The following INPP5D variants were observed in gnomAD, a reference collection of about 807,000 sequenced individuals.
The protein encoded by INPP5D is inositol polyphosphate-5-phosphatase D, also known as phosphatidylinositol 3,4,5-trisphosphate 5-phosphatase 1.
In INPP5D, 33 loss-of-function variants were observed where a neutral mutation model predicts 122.9. That is an observed-to-expected ratio of 0.27 (90% confidence interval 0.20 to 0.36). The LOEUF is 0.36. Among genes scored for constraint, INPP5D ranks in the 10% least tolerant of loss-of-function variants. The probability of loss-of-function intolerance (pLI) is 1.00; values close to 1 mark genes in which losing one functional copy is unlikely to be tolerated. For synonymous variants in INPP5D, 584 were observed against 576.2 expected (o/e 1.01, Z -0.19); for missense variants, 1,053 against 1,412.7 (o/e 0.75, Z 4.08).
At position 233,171,097 on chromosome 2, in the gene INPP5D, G is replaced by A. The variant is rs781285468; in HGVS notation, c.1934G>A (p.Arg645His). Residue 645 changes from arginine (R) to histidine (H), a missense_variant, in exon 17 of 27, where the codon CGT (arginine) becomes CAT (histidine). Physicochemically the swap from Arg to His is conservative, Grantham distance 29. Coordinates refer to ENST00000445964, the MANE Select transcript of INPP5D (RefSeq NM_001017915.3). Reference protein sequence around the residue: ...EEEITFAPTYRFERLTRDKYA... With the variant: ...EEEITFAPTYHFERLTRDKYA... ...GAAATCACGTTTGCCCCAACCTACC[G>A]TTTTGAGAGACTGACTCGGGACAAA... The A allele has an allele frequency of 2.5e-6, 4 of 1,598,948 alleles. No individual in the cohort carries two copies. Among genetic ancestry groups the A allele is most frequent in the Admixed American group, 1.7e-5 (1 of 59,508 alleles).
chr2:233,137,702 C>T (rs13011232), intron 5 of INPP5D, among the ~76,000 whole-genome samples: 53,817 of 147,688 alleles, frequency 0.36, 11,156 homozygotes, highest in Non-Finnish European at 0.45. Flanking sequence ...GTGACACCCA[C>T]CTTGGCCTCC....
intron 22 of INPP5D, among the ~76,000 whole-genome samples, chr2:233,192,948 C>T (rs1443006511): frequency 2.0e-5 from 3 of 152,226 alleles, no homozygotes; most frequent in Non-Finnish European, 4.4e-5. Flanking sequence ...AGTGCAGTGG[C>T]ACGATCTTGG....
intron 2 of INPP5D, among the ~76,000 whole-genome samples, chr2:233,111,052 T>C (rs1449512286): frequency 6.6e-6 from 1 of 152,224 alleles, no homozygotes; most frequent in Non-Finnish European, 1.5e-5. Context: ...CTTTACCCAA[T>C]TAATGTTTTA....
chr2:233,195,047 C>T (rs749409967), intron 23 of INPP5D, among the ~76,000 whole-genome samples: 6 of 152,184 alleles, frequency 3.9e-5, no homozygotes, highest in Admixed American at 6.5e-5. Context: ...ACACCTGCCT[C>T]GGCCTCCCAA....
intron 18 of INPP5D, among the ~76,000 whole-genome samples, chr2:233,181,069 C>G (rs189540459): frequency 6.6e-6 from 1 of 152,266 alleles, no homozygotes; most frequent in Non-Finnish European, 1.5e-5. Flanking sequence ...AGCCTTTGCC[C>G]CTGGACCCTT....
chr2:233,122,081 C>T (rs747030389), intron 2 of INPP5D, 26 bp from the exon 3 acceptor site: 22 of 1,611,476 alleles, frequency 1.4e-5, no homozygotes, highest in South Asian at 6.6e-5. Flanking sequence ...TTAACATGTG[C>T]GTTTGTTTGG....
chr2:233,169,867 C>T, intron 14 of INPP5D, 159 bp from the exon 15 acceptor site: 1 of 1,389,768 alleles, frequency 7.2e-7, no homozygotes, highest in Non-Finnish European at 9.9e-7. Context: ...CATATTTGCA[C>T]ACTAAGGAGT....
chr2:233,118,214 T>C (rs1432598827), intron 2 of INPP5D, among the ~76,000 whole-genome samples: 2 of 152,022 alleles, frequency 1.3e-5, no homozygotes, highest in East Asian at 1.9e-4. Context: ...CCAGGCACGG[T>C]TGCCCTTCAA....
intron 2 of INPP5D, among the ~76,000 whole-genome samples, chr2:233,112,445 A>G (rs1254080471): frequency 2.0e-5 from 3 of 152,184 alleles, no homozygotes; most frequent in Non-Finnish European, 2.9e-5. Context: ...CTGGGGCAAC[A>G]GGTGTTGCAG....
rs768051773 is a variant in INPP5D at position 233,170,473 on chromosome 2, G to T, written c.1792-23G>T. 6.2e-7 allele frequency: 1 copy of T among 1,613,552 alleles called. No individual in the cohort carries two copies. Among genetic ancestry groups the T allele is most frequent in the South Asian group, 1.1e-5 (1 of 91,024 alleles). ...GGATCAGCAGGGCTTCTCACCAGAG[G>T]CCCGGGCATGTTCTTGTTCCAGGAG... On this transcript the variant is annotated intron_variant, in intron 15 of 26. Coordinates refer to ENST00000445964, the MANE Select transcript of INPP5D (RefSeq NM_001017915.3). This position sits in a 1 kb window ranked among gnomAD's most constrained non-coding sequence, Gnocchi z 4.5.
At chr2:233,161,097 A>T (rs1192062703) in intron 10 of INPP5D, among the ~76,000 whole-genome samples, 2 of 151,596 alleles carry the variant, frequency 1.3e-5, no homozygotes, top group Non-Finnish European at 2.9e-5. Flanking sequence ...GGTCTAGAAT[A>T]CTTTTTTTTT....
Position 233,147,167 on chromosome 2 carries a change from G to A in INPP5D, c.907-304G>A, listed in dbSNP as rs1484790060. Among the ~76,000 whole-genome samples, 7 of 152,214 alleles carry A rather than the reference G, an allele frequency of 4.6e-5. No individual in the cohort carries two copies. In the East Asian group the frequency reaches 1.3e-3, roughly 29 times the overall value. On this transcript the variant is annotated intron_variant, in intron 8 of 26. Coordinates refer to ENST00000445964, the MANE Select transcript of INPP5D (RefSeq NM_001017915.3). The stretch of plus-strand genomic sequence containing the variant: ...TAGGTGACACATCAGATTAATGAGT[G>A]TTGTCAAAGTCATCAGTGAATGAAC...
intron 22 of INPP5D, among the ~76,000 whole-genome samples, chr2:233,190,461 C>T (rs1231971741): frequency 6.6e-6 from 1 of 152,208 alleles, no homozygotes; most frequent in African/African-American, 2.4e-5. Flanking sequence ...CCTTCTGCCC[C>T]CAAGGAGCCA....
chr2:233,062,072 T>G lies in INPP5D; in HGVS notation c.134+1460T>G, dbSNP rs1691092277. ...CTGGACTTCCCCAGTGGGGACCTGC[T>G]GCTGCCGGGGCCTTAGAAGGAGCAG... is the stretch of plus-strand genomic sequence containing the variant. On this transcript the variant is annotated intron_variant, in intron 1 of 26. Coordinates refer to ENST00000445964, the MANE Select transcript of INPP5D (RefSeq NM_001017915.3). Among the ~76,000 whole-genome samples the G allele has an allele frequency of 5.3e-5, 8 of 152,254 alleles. No homozygotes were observed. In the South Asian group the frequency reaches 1.7e-3, roughly 31 times the overall value.
At chr2:233,205,027 G>A in intron 26 of INPP5D, 1 of 352,590 alleles carries the variant, frequency 2.8e-6, no homozygotes, top group Non-Finnish European at 5.1e-6. Context: ...GTCAGTCCCA[G>A]AGGAAGAAGA....
intron 21 of INPP5D, among the ~76,000 whole-genome samples, 174 bp downstream of exon 21, chr2:233,186,099 A>T (rs1387283137): frequency 6.6e-6 from 1 of 152,216 alleles, no homozygotes; most frequent in East Asian, 1.9e-4. Context: ...GGTTCGTAAC[A>T]CACTTTACAG....
In INPP5D at chr2:233,126,813, G is replaced by A. The variant is rs541872428; in HGVS notation, c.524+894G>A. On this transcript the variant is annotated intron_variant, in intron 4 of 26. Coordinates refer to ENST00000445964, the MANE Select transcript of INPP5D (RefSeq NM_001017915.3). ...CGGGCGCCTATAATCCCAGCTATTCGGGAGGCTGAGGGAGGAGAATAGCTT... is the reference window on the plus strand; with the variant it reads ...CGGGCGCCTATAATCCCAGCTATTCAGGAGGCTGAGGGAGGAGAATAGCTT... Among the ~76,000 whole-genome samples the A allele has an allele frequency of 3.2e-4, 49 of 152,126 alleles. 1 individual carries two copies. Among genetic ancestry groups the A allele is most frequent in the Admixed American group, 1.5e-3 (23 of 15,280 alleles).
intron 1 of INPP5D, among the ~76,000 whole-genome samples, chr2:233,074,892 G>T (rs1358418625): frequency 6.6e-6 from 1 of 152,080 alleles, no homozygotes; most frequent in East Asian, 1.9e-4. Context: ...ATGTTCCTGG[G>T]TCTGGCTGTC....
intron 13 of INPP5D, among the ~76,000 whole-genome samples, chr2:233,165,753 T>C (rs999565011): frequency 9.0e-5 from 13 of 143,722 alleles, no homozygotes; most frequent in Non-Finnish European, 2.0e-4. Context: ...TGTGAGTCCA[T>C]GTGTCTGTGT....
Sources: gnomAD v4.1 joint callset for allele counts (sites outside exome capture counted in the v4.1 genomes callset) on GRCh38, gnomAD v4.1.1 for gene constraint, Gnocchi (gnomAD v3.1) non-coding constraint, MANE v1.5 for transcripts, NCBI Gene and HGNC (gene_info 2026-07-23, HGNC 2026-07-21) for gene names.